MNS1: variants seen among roughly 807,000 people sequenced by gnomAD.
MNS1 encodes meiosis specific nuclear structural 1, also known as meiosis-specific nuclear structural protein 1.
In MNS1, 63 loss-of-function variants were observed where a neutral mutation model predicts 72.0. The ratio of observed to expected loss-of-function variants is 0.87; its 90% confidence interval spans 0.71 to 1.08. The LOEUF (loss-of-function observed/expected upper bound fraction) is 1.08. Among genes scored for constraint, MNS1 ranks in the 50% least tolerant of loss-of-function variants. The pLI is 0.00. For synonymous variants in MNS1, 188 were observed against 172.1 expected (o/e 1.09, Z -0.72); for missense variants, 604 against 562.4 (o/e 1.07, Z -0.75).
chr15:56,432,305 C>T (rs1358161600), intron 8 of MNS1, among the ~76,000 whole-genome samples: 11 of 152,304 alleles, frequency 7.2e-5, no homozygotes, highest in Non-Finnish European at 1.6e-4. Context: ...ACGAAATCAA[C>T]TTATCCATTT....
intron 2 of MNS1, among the ~76,000 whole-genome samples, chr15:56,457,552 G>A (rs1304725215): frequency 6.6e-6 from 1 of 152,170 alleles, no homozygotes; most frequent in African/African-American, 2.4e-5. Context: ...GCTGAGCGCT[G>A]TGGCTTACAC....
intron 7 of MNS1, among the ~76,000 whole-genome samples, chr15:56,436,823 A>T (rs1313540368): frequency 6.6e-6 from 1 of 152,142 alleles, no homozygotes; most frequent in African/African-American, 2.4e-5. Flanking sequence ...TACTATAAAC[A>T]CCTCTACGCA....
At chr15:56,450,870 A>G (rs1475294254) in intron 3 of MNS1, among the ~76,000 whole-genome samples, 3 of 152,096 alleles carry the variant, frequency 2.0e-5, no homozygotes, top group African/African-American at 2.4e-5. Context: ...GAGGGTTCCA[A>G]TTTTCCCACT....
chr15:56,452,599 A>G (rs2050955068), intron 3 of MNS1, among the ~76,000 whole-genome samples: 1 of 151,432 alleles, frequency 6.6e-6, no homozygotes. Context: ...GCTCACTGCA[A>G]GCTCCGCCTC....
intron 7 of MNS1, among the ~76,000 whole-genome samples, chr15:56,435,768 C>T (rs2050713525): frequency 6.6e-6 from 1 of 152,016 alleles, no homozygotes; most frequent in Admixed American, 6.6e-5. Flanking sequence ...GAATTCTACA[C>T]AATCTCTTCC....
In MNS1 at chr15:56,431,364, C is replaced by G. The variant is rs776349156; in HGVS notation, c.1395+9G>C. 1 of 1,608,762 alleles carries G rather than the reference C, an allele frequency of 6.2e-7. No homozygotes were observed. Among genetic ancestry groups the G allele is most frequent in the Admixed American group, 1.7e-5 (1 of 59,220 alleles). ...ATGAAGATTACAACTTGAGATAAAT[C>G]TCACTTACTTTAGGGAGATAGCCTA... On this transcript the variant is annotated intron_variant, in intron 9 of 9. Coordinates refer to ENST00000260453, the MANE Select transcript of MNS1 (RefSeq NM_018365.4).
intron 3 of MNS1, among the ~76,000 whole-genome samples, chr15:56,453,213 A>C (rs2050959782): frequency 6.6e-6 from 1 of 152,178 alleles, no homozygotes; most frequent in African/African-American, 2.4e-5. Context: ...TTCCCAAAAG[A>C]CATAATAAAT....
chr15:56,464,196 C>T lies in MNS1; in HGVS notation c.55G>A (p.Asp19Asn), dbSNP rs1355619730. The T allele has an allele frequency of 6.2e-7, 1 of 1,613,650 alleles. No homozygotes were observed. The highest frequency in any genetic ancestry group is 8.5e-7 in the Non-Finnish European group (1 of 1,179,982). The change falls in exon 2 of 10, where the codon GAT (aspartate) becomes AAT (asparagine). Residue 19 changes from aspartate to asparagine, a missense_variant. By Grantham distance (23) the Asp-to-Asn change is conservative (BLOSUM62 1). Coordinates refer to ENST00000260453, the MANE Select transcript of MNS1 (RefSeq NM_018365.4). The part of the protein sequence containing the change: ...SCSERHQKLV[D>N]ENYCKKLHVQ... Reference sequence around the variant, plus strand: ...TGTAATTTTTTGCAGTAGTTTTCATCTACTAATTTCTGATGCCTTTCACTA... The same window carrying T: ...TGTAATTTTTTGCAGTAGTTTTCATTTACTAATTTCTGATGCCTTTCACTA...
intron 2 of MNS1, among the ~76,000 whole-genome samples, chr15:56,457,797 G>C (rs2140378403): frequency 6.6e-6 from 1 of 151,436 alleles, no homozygotes; most frequent in South Asian, 2.1e-4. Flanking sequence ...CTGGGCAACA[G>C]AGCAAGACCC....
In MNS1 at chr15:56,460,009, A is replaced by AAAAAAAAAAAAAAAAAAAAAT; in HGVS notation, c.226-3489_226-3488insATTTTTTTTTTTTTTTTTTTT. 7.6e-5 allele frequency among the ~76,000 whole-genome samples: 2 copies of AAAAAAAAAAAAAAAAAAAAAT among 26,388 alleles called. 1 individual carries two copies. The highest frequency in any genetic ancestry group is 3.0e-4 in the African/African-American group (2 of 6,654). The allele number at this position is 26,388 out of a possible 152,430, so 17.3% of individuals were successfully genotyped here. A position where few individuals can be genotyped will look rare whatever the true frequency, so the allele number is the denominator to read the frequency against. ...CTGTCTCAAAAAAAAAAAAAAAAAA[A>AAAAAAAAAAAAAAAAAAAAAT]ATACATATATATATATATATATATA... On this transcript the variant is annotated intron_variant, in intron 2 of 9. Coordinates refer to ENST00000260453, the MANE Select transcript of MNS1 (RefSeq NM_018365.4).
chr15:56,461,412 G>C (rs552568137), intron 2 of MNS1, among the ~76,000 whole-genome samples: 1 of 152,250 alleles, frequency 6.6e-6, no homozygotes, highest in South Asian at 2.1e-4. Flanking sequence ...TGTAATCCCA[G>C]CACTTTGGGA....
At chr15:56,453,005 TC>T (rs1458342686) in intron 3 of MNS1, among the ~76,000 whole-genome samples, 1 of 152,202 alleles carries the variant, frequency 6.6e-6, no homozygotes, top group East Asian at 1.9e-4. Flanking sequence ...AATAATCAAT[TC>T]CTATTATCGT....
intron 2 of MNS1, among the ~76,000 whole-genome samples, chr15:56,460,009 A>AAAAAAAAAAAAAAAAAAATAT: frequency 1.1e-4 from 3 of 26,386 alleles, no homozygotes; most frequent in African/African-American, 4.5e-4. Flanking sequence ...AAAAAAAAAA[A>AAAAAAAAAAAAAAAAAAATAT]ATACATATAT....
chr15:56,431,461 C>T lies in MNS1; in HGVS notation c.1307G>A (p.Arg436Gln), dbSNP rs200197194. Residue 436 changes from arginine to glutamine, a missense_variant, in exon 9 of 10, where the codon CGG becomes CAG. Coordinates refer to ENST00000260453, the MANE Select transcript of MNS1 (RefSeq NM_018365.4). Reference protein sequence around the residue: ...ELEEWQLQQRRQGFINAIIEE... With the variant: ...ELEEWQLQQRQQGFINAIIEE... ...AATAATTGCATTAATAAATCCTTGC[C>T]GCCTTTGCTGCAACTGCCACTCTTC... is the stretch of plus-strand genomic sequence containing the variant. 10 of 1,613,510 alleles carry T rather than the reference C, an allele frequency of 6.2e-6. No individual in the cohort carries two copies. Among genetic ancestry groups the T allele is most frequent in the African/African-American group, 2.7e-5 (2 of 74,954 alleles).
rs748299325 is a variant in MNS1 at position 56,434,414 on chromosome 15, A to G, written c.1012-19T>C. 2 of 1,592,728 alleles carry G rather than the reference A, an allele frequency of 1.3e-6. No individual in the cohort carries two copies. Among genetic ancestry groups the G allele is most frequent in the African/African-American group, 2.7e-5 (2 of 74,030 alleles). ...CTTCTTCCTAAACAATACAGCTGAA[A>G]GTTAATTTAGTAACTATTTCCTTAC... On this transcript the variant is annotated intron_variant, in intron 7 of 9. Coordinates refer to ENST00000260453, the MANE Select transcript of MNS1 (RefSeq NM_018365.4).
At chr15:56,444,875 C>T (rs1350371557) in intron 4 of MNS1, among the ~76,000 whole-genome samples, 1 of 152,106 alleles carries the variant, frequency 6.6e-6, no homozygotes, top group East Asian at 1.9e-4. Context: ...GCTTTCCTAT[C>T]CCTTCAAGTA....
intron 3 of MNS1, among the ~76,000 whole-genome samples, chr15:56,453,041 T>C (rs2050958227): frequency 6.6e-6 from 1 of 152,332 alleles, no homozygotes; most frequent in South Asian, 2.1e-4. Context: ...TAGTCAGTTA[T>C]ATTTTCTTTT....
intron 2 of MNS1, among the ~76,000 whole-genome samples, chr15:56,459,269 G>A (rs149475858): frequency 1.3e-5 from 2 of 152,154 alleles, no homozygotes; most frequent in Non-Finnish European, 2.9e-5. Flanking sequence ...AGGTTCATCC[G>A]TGTTGTAGCA....
At chr15:56,464,941 A>G (rs761504185) in intron 1 of MNS1, 29 bp downstream of exon 1, 2 of 1,611,504 alleles carry the variant, frequency 1.2e-6, no homozygotes, top group Non-Finnish European at 1.7e-6. Context: ...ACAATAAACA[A>G]GTAGTTTCAA....
Sources: gnomAD v4.1 joint callset for allele counts (sites outside exome capture counted in the v4.1 genomes callset) on GRCh38, gnomAD v4.1.1 for gene constraint, MANE v1.5 for transcripts, NCBI Gene and HGNC (gene_info 2026-07-23, HGNC 2026-07-21) for gene names.